Variants in CFAP69 observed in about 807,000 individuals in gnomAD.
CFAP69 encodes the protein cilia and flagella associated protein 69.
CFAP69 carries 92 observed loss-of-function variants against 123.0 expected under a neutral mutation model. That is an observed-to-expected ratio of 0.75 (90% CI 0.63 to 0.89). CFAP69 has a LOEUF of 0.89. Among genes scored for constraint, CFAP69 ranks in the 40% least tolerant of loss-of-function variants. The pLI is 0.00. For missense variants in CFAP69, 1,067 were observed against 1,096.9 expected (o/e 0.97, Z 0.39); for synonymous variants, 380 against 364.3 (o/e 1.04, Z -0.49).
downstream of CFAP69, among the ~76,000 whole-genome samples, chr7:90,312,134 A>T (rs1794391325): frequency 6.6e-6 from 1 of 152,198 alleles, no homozygotes; most frequent in East Asian, 1.9e-4. Context: ...TTATTAGATA[A>T]TGTGATGGTG....
At chr7:90,275,334 G>C (rs1375579306) in intron 9 of CFAP69, among the ~76,000 whole-genome samples, 2 of 152,062 alleles carry the variant, frequency 1.3e-5, no homozygotes, top group African/African-American at 4.8e-5. Context: ...TCTTAATTCA[G>C]TTCTTGCCTG....
chr7:90,275,428 C>G (rs554836558), intron 9 of CFAP69, among the ~76,000 whole-genome samples: 1 of 151,838 alleles, frequency 6.6e-6, no homozygotes, highest in Non-Finnish European at 1.5e-5. Flanking sequence ...ATTTAGCATT[C>G]TCTCTCTCTG....
intron 1 of CFAP69, among the ~76,000 whole-genome samples, chr7:90,254,098 T>A (rs1797351312): frequency 1.3e-5 from 2 of 152,236 alleles, no homozygotes; most frequent in African/African-American, 4.8e-5. Flanking sequence ...GAGACTGTTC[T>A]TTCCCCACTG....
chr7:90,245,247 C>G lies in CFAP69; in HGVS notation c.-178C>G. ...GGTCAACTGGGGGGCGGCAGCGGCG[C>G]TAAGCGGACTGTATGGCGGTGGCCT... On this transcript the variant is annotated 5_prime_UTR_variant, in exon 1 of 23. Coordinates refer to ENST00000389297, the MANE Select transcript of CFAP69 (RefSeq NM_001039706.3). The G allele has an allele frequency of 1.3e-6, 1 of 773,244 alleles. No individual in the cohort carries two copies. The highest frequency in any genetic ancestry group is 1.8e-6 in the Non-Finnish European group (1 of 541,454). 47.9% of individuals were successfully genotyped at this position (773,244 alleles called of 1,614,324 possible). A position where few individuals can be genotyped will look rare whatever the true frequency, so the allele number is the denominator to read the frequency against.
At chr7:90,258,289 A>C in intron 3 of CFAP69, 126 bp downstream of exon 3, 2 of 690,836 alleles carry the variant, frequency 2.9e-6, no homozygotes, top group Non-Finnish European at 4.7e-6. Flanking sequence ...TTAAAACAAC[A>C]TAAAGTTATT....
intron 20 of CFAP69, 118 bp from the exon 21 acceptor site, chr7:90,307,650 G>T: frequency 1.7e-6 from 1 of 574,202 alleles, no homozygotes; most frequent in South Asian, 2.5e-5. Context: ...TTTTTAAAAG[G>T]CAGAGAGATA....
intron 2 of CFAP69, among the ~76,000 whole-genome samples, chr7:90,257,062 T>C (rs1244178943): frequency 6.6e-6 from 1 of 152,230 alleles, no homozygotes; most frequent in African/African-American, 2.4e-5. Flanking sequence ...GACACGTTAC[T>C]TTAAAATGTT....
intron 12 of CFAP69, 26 bp from the exon 13 acceptor site, chr7:90,282,866 T>A: frequency 2.1e-6 from 3 of 1,430,190 alleles, no homozygotes; most frequent in Non-Finnish European, 2.8e-6. Context: ...ATGTTTTTGT[T>A]TTAAATTATC....
chr7:90,298,988 T>C (rs2117317471), intron 16 of CFAP69, among the ~76,000 whole-genome samples: 1 of 152,282 alleles, frequency 6.6e-6, no homozygotes, highest in African/African-American at 2.4e-5. Context: ...ATATAAAGTA[T>C]GTAATGATAA....
At chr7:90,250,363 G>A (rs576684764) in intron 1 of CFAP69, among the ~76,000 whole-genome samples, 1 of 152,254 alleles carries the variant, frequency 6.6e-6, no homozygotes, top group East Asian at 1.9e-4. Flanking sequence ...TTAGGTCCCA[G>A]GGCCTCAGTT....
the CFAP69 span, among the ~76,000 whole-genome samples, chr7:90,321,635 C>A: frequency 6.6e-6 from 1 of 152,194 alleles, no homozygotes; most frequent in Non-Finnish European, 1.5e-5. Flanking sequence ...TGCTCCACAC[C>A]GTATTCTCCT....
At chr7:90,250,255 G>GAGAGA (rs1796851452) in intron 1 of CFAP69, among the ~76,000 whole-genome samples, 1 of 142,540 alleles carries the variant, frequency 7.0e-6, no homozygotes, top group African/African-American at 2.6e-5. Context: ...TGTCCATTGA[G>GAGAGA]GAGTCAGGCA....
At chr7:90,279,332 A>G (rs922728683) in intron 11 of CFAP69, among the ~76,000 whole-genome samples, 1 of 152,182 alleles carries the variant, frequency 6.6e-6, no homozygotes, top group Admixed American at 6.6e-5. Context: ...ATTGTACGTT[A>G]AAGTAAAATA....
At chr7:90,285,915 G>T (rs538021997) in intron 13 of CFAP69, among the ~76,000 whole-genome samples, 5 of 152,264 alleles carry the variant, frequency 3.3e-5, no homozygotes, top group Non-Finnish European at 7.4e-5. Flanking sequence ...TGTAGGTAGG[G>T]CTACTGATTG....
At chr7:90,317,013 G>A in the CFAP69 span, 1 of 151,770 alleles carries the variant, frequency 6.6e-6, no homozygotes, top group Non-Finnish European at 1.5e-5. Flanking sequence ...TTTTTTTGAG[G>A]AAAACTGTAA....
In CFAP69 at chr7:90,307,780, C is replaced by T. The variant is rs1373893977; in HGVS notation, c.2476C>T (p.His826Tyr). 6.2e-7 allele frequency: 1 copy of T among 1,604,364 alleles called. No individual in the cohort carries two copies. The highest frequency in any genetic ancestry group is 1.4e-5 in the African/African-American group (1 of 73,938). Residue 826 changes from histidine to tyrosine, a missense_variant, in exon 21 of 23, where the codon CAC becomes TAC. His to Tyr is a moderately conservative substitution (Grantham distance 83). Transcript: ENST00000389297. ...QKVYAKIQAT[H>Y]KQRELANKSW... ...TTTCTCATTTCAGATACAGGCCACG[C>T]ACAAGCAAAGAGAGCTGGCTAATAA...
chr7:90,296,125 A>C (rs1436937766), intron 15 of CFAP69, among the ~76,000 whole-genome samples: 1 of 152,168 alleles, frequency 6.6e-6, no homozygotes, highest in African/African-American at 2.4e-5. Context: ...CCCCTATTCA[A>C]GATGGAGTTG....
At chr7:90,252,668 T>A (rs1397934233) in intron 1 of CFAP69, among the ~76,000 whole-genome samples, 1 of 152,204 alleles carries the variant, frequency 6.6e-6, no homozygotes, top group Non-Finnish European at 1.5e-5. Context: ...TAAGACTCTA[T>A]GTCAAAAATA....
chr7:90,258,344 G>A (rs1359802432), intron 3 of CFAP69, among the ~76,000 whole-genome samples, 181 bp downstream of exon 3: 1 of 152,102 alleles, frequency 6.6e-6, no homozygotes, highest in Non-Finnish European at 1.5e-5. Context: ...AGCCTCAGTG[G>A]ACTAAAGTCA....
Sources: gnomAD v4.1 joint callset for allele counts (sites outside exome capture counted in the v4.1 genomes callset) on GRCh38, gnomAD v4.1.1 for gene constraint, MANE v1.5 for transcripts, NCBI Gene and HGNC (gene_info 2026-07-23, HGNC 2026-07-21) for gene names.